The following EXOSC7 variants were observed in gnomAD, a reference collection of about 807,000 sequenced individuals.
EXOSC7 encodes exosome component 7.
EXOSC7 carries 25 observed loss-of-function variants against 34.3 expected under a neutral mutation model. That is an observed-to-expected ratio of 0.73 (90% CI 0.53 to 1.02). The LOEUF (loss-of-function observed/expected upper bound fraction) is 1.02. Among genes scored for constraint, EXOSC7 ranks in the 50% least tolerant of loss-of-function variants. EXOSC7 has a pLI of 0.00. For missense variants in EXOSC7, 370 were observed against 368.5 expected, an observed-to-expected ratio of 1.00 and a Z score of -0.03; for synonymous variants, 130 against 143.0, an observed-to-expected ratio of 0.91 and a Z score of 0.65.
intron 1 of EXOSC7, among the ~76,000 whole-genome samples, chr3:44,984,798 A>G (rs1576003357): frequency 6.6e-6 from 1 of 152,274 alleles, no homozygotes; most frequent in African/African-American, 2.4e-5. Context: ...GGTATATAGT[A>G]AATGCACAGT....
chr3:44,994,769 G>A (rs886557414), intron 3 of EXOSC7, among the ~76,000 whole-genome samples: 2 of 151,648 alleles, frequency 1.3e-5, no homozygotes, highest in Non-Finnish European at 2.9e-5. Flanking sequence ...CACAGCTATG[G>A]CACCATCCAG....
chr3:44,994,369 ATT>A (rs202092789), intron 3 of EXOSC7, among the ~76,000 whole-genome samples: 4 of 142,386 alleles, frequency 2.8e-5, no homozygotes, highest in Admixed American at 1.4e-4. Flanking sequence ...TCATGTAGGG[ATT>A]TTTTTTTTTT....
chr3:44,998,064 C>T (rs1270801643), intron 4 of EXOSC7, among the ~76,000 whole-genome samples: 3 of 138,980 alleles, frequency 2.2e-5, no homozygotes, highest in Non-Finnish European at 3.1e-5. Flanking sequence ...GAGATGGAGT[C>T]TTGCTCTGTC....
At chr3:45,008,010 C>T (rs767656401) in intron 7 of EXOSC7, among the ~76,000 whole-genome samples, 14 of 152,166 alleles carry the variant, frequency 9.2e-5, no homozygotes, top group Non-Finnish European at 1.8e-4. Flanking sequence ...CTCCCAAATT[C>T]GTTACAGCTC....
intron 3 of EXOSC7, among the ~76,000 whole-genome samples, chr3:44,992,424 G>T (rs1443798196): frequency 1.3e-5 from 2 of 152,138 alleles, no homozygotes; most frequent in Non-Finnish European, 2.9e-5. Context: ...ATTTCACTTG[G>T]TTTTGTCTAC....
rs1191851988 is a variant in EXOSC7 at position 44,997,103 on chromosome 3, C to T, written c.271C>T (p.Pro91Ser). The change falls in exon 4 of 8, where the codon CCT becomes TCT. Residue 91 changes from proline to serine, a missense_variant. Transcript: ENST00000265564. ...TTTGTATAGTTCAGCCAGTGCTACC[C>T]CTGAATTTGAAGGTAGAGGAGGTGA... ...FFVDCSASATPEFEGRGGDDL... is the reference protein window; with the variant it reads ...FFVDCSASATSEFEGRGGDDL... 4 of 1,613,888 alleles carry T rather than the reference C, an allele frequency of 2.5e-6. No homozygotes were observed. Among genetic ancestry groups the T allele is most frequent in the Middle Eastern group, 1.6e-4 (1 of 6,062 alleles).
At chr3:44,998,811 T>C (rs1175467831) in intron 4 of EXOSC7, among the ~76,000 whole-genome samples, 1 of 152,194 alleles carries the variant, frequency 6.6e-6, no homozygotes, top group African/African-American at 2.4e-5. Flanking sequence ...TGATTCCTAC[T>C]AAGTTGGCAA....
At chr3:45,005,728 C>T (rs570690784) in intron 6 of EXOSC7, among the ~76,000 whole-genome samples, 1 of 152,300 alleles carries the variant, frequency 6.6e-6, no homozygotes, top group South Asian at 2.1e-4. Context: ...TTAATTACCT[C>T]AACTCTATGG....
At chr3:44,978,799 T>C (rs528833556) in intron 1 of EXOSC7, among the ~76,000 whole-genome samples, 2 of 152,304 alleles carry the variant, frequency 1.3e-5, no homozygotes, top group South Asian at 2.1e-4. Context: ...AGCACGATCC[T>C]AGAGGTCTTA....
chr3:45,001,477 A>G, intron 4 of EXOSC7, 61 bp from the exon 5 acceptor site: 1 of 1,242,884 alleles, frequency 8.0e-7, no homozygotes, highest in Non-Finnish European at 1.2e-6. Context: ...AACTGGGGTA[A>G]TACCTAAAGT....
At chr3:44,983,729 A>G (rs1444042142) in intron 1 of EXOSC7, among the ~76,000 whole-genome samples, 1 of 152,194 alleles carries the variant, frequency 6.6e-6, no homozygotes, top group East Asian at 1.9e-4. Context: ...ACTCCTATTT[A>G]AGTGTTCACA....
chr3:45,003,168 C>T (rs1288396100), intron 5 of EXOSC7, among the ~76,000 whole-genome samples: 1 of 152,142 alleles, frequency 6.6e-6, no homozygotes, highest in Non-Finnish European at 1.5e-5. Flanking sequence ...CTGCAGGCAG[C>T]AAGGAATGGG....
intron 6 of EXOSC7, among the ~76,000 whole-genome samples, chr3:45,006,404 G>GTTTTTTTTTT (rs545281987): frequency 8.3e-4 from 51 of 61,672 alleles, no homozygotes; most frequent in Non-Finnish European, 1.2e-3. Context: ...TTGTTTATTT[G>GTTTTTTTTTT]TTTTTTTTTT....
intron 4 of EXOSC7, 43 bp from the exon 5 acceptor site, chr3:45,001,495 G>C (rs764752215): frequency 2.1e-6 from 3 of 1,444,748 alleles, no homozygotes; most frequent in Non-Finnish European, 2.9e-6. Flanking sequence ...AGTAATAAGT[G>C]ATGCTTGGTT....
At chr3:44,986,127 C>T (rs539827978) in intron 1 of EXOSC7, among the ~76,000 whole-genome samples, 2 of 150,636 alleles carry the variant, frequency 1.3e-5, no homozygotes, top group East Asian at 2.0e-4. Context: ...CATTCCTCAG[C>T]CCTTGGGTGG....
At chr3:44,999,911 A>G (rs1030194155) in intron 4 of EXOSC7, among the ~76,000 whole-genome samples, 1 of 152,050 alleles carries the variant, frequency 6.6e-6, no homozygotes, top group Non-Finnish European at 1.5e-5. Context: ...AAACCTCCTA[A>G]TTTCTTTTTA....
At chr3:45,003,879 G>GT (rs1203108566) in intron 5 of EXOSC7, among the ~76,000 whole-genome samples, 1 of 152,196 alleles carries the variant, frequency 6.6e-6, no homozygotes, top group Non-Finnish European at 1.5e-5. Flanking sequence ...TAAGCATTGT[G>GT]TTTTGAGAGA....
intron 6 of EXOSC7, 126 bp from the exon 7 acceptor site, chr3:45,007,294 A>G (rs1707075347): frequency 4.2e-6 from 4 of 963,658 alleles, no homozygotes; most frequent in African/African-American, 1.7e-5. Context: ...CAGAATCTAA[A>G]ATAAGACCTG....
chr3:44,976,366 C>T (rs149465169), intron 1 of EXOSC7, 32 bp downstream of exon 1: 4 of 1,546,448 alleles, frequency 2.6e-6, no homozygotes, highest in Middle Eastern at 1.7e-4. Context: ...GGTCGGCCGC[C>T]GGGTTCAGCC....
Sources: allele counts gnomAD v4.1 joint callset (sites outside exome capture counted in the v4.1 genomes callset), GRCh38; gene constraint gnomAD v4.1.1; transcripts MANE v1.5; gene names NCBI Gene and HGNC (gene_info 2026-07-23, HGNC 2026-07-21).